Variants in PITPNC1 observed in about 807,000 individuals in gnomAD.
PITPNC1 encodes phosphatidylinositol transfer protein cytoplasmic 1.
Under a neutral mutation model 44.7 loss-of-function variants are expected in PITPNC1, and 18 were observed. That is an observed-to-expected ratio of 0.40 (90% CI 0.28 to 0.60). The LOEUF (loss-of-function observed/expected upper bound fraction) is 0.60. Ranked by LOEUF, PITPNC1 falls within the 20% of genes least tolerant of loss-of-function variation. The probability of loss-of-function intolerance (pLI) is 0.39; values close to 1 mark genes in which losing one functional copy is unlikely to be tolerated. For missense variants in PITPNC1, 290 were observed against 418.4 expected (o/e 0.69, Z 2.68); for synonymous variants, 141 against 149.6 (o/e 0.94, Z 0.42).
At chr17:67,645,811 T>C (rs755444757) in intron 6 of PITPNC1, among the ~76,000 whole-genome samples, 1 of 152,212 alleles carries the variant, frequency 6.6e-6, no homozygotes, top group Non-Finnish European at 1.5e-5. Flanking sequence ...ATTGACATTA[T>C]TGAAGTTTAT....
chr17:67,681,205 A>G, intron 8 of PITPNC1, among the ~76,000 whole-genome samples: 1 of 152,220 alleles, frequency 6.6e-6, no homozygotes, highest in East Asian at 1.9e-4. Flanking sequence ...CTTTAAAAAT[A>G]CAATGATTTA....
chr17:67,654,787 C>T (rs2042245552), intron 6 of PITPNC1, among the ~76,000 whole-genome samples: 1 of 152,150 alleles, frequency 6.6e-6, no homozygotes, highest in Non-Finnish European at 1.5e-5. Context: ...AGCGCGCCAC[C>T]ACGCCCAACT....
intron 1 of PITPNC1, among the ~76,000 whole-genome samples, chr17:67,397,101 C>T (rs971642009): frequency 6.6e-6 from 1 of 152,170 alleles, no homozygotes; most frequent in Non-Finnish European, 1.5e-5. Context: ...CTGCCTCAGC[C>T]TCCCAAGTAG....
At chr17:67,608,978 TC>T (rs1237823151) in intron 5 of PITPNC1, among the ~76,000 whole-genome samples, 1 of 152,098 alleles carries the variant, frequency 6.6e-6, no homozygotes, top group East Asian at 1.9e-4. Flanking sequence ...TTTCAGAATA[TC>T]CTTTCCCCAA....
At chr17:67,490,009 T>C (rs1001375815) in intron 1 of PITPNC1, among the ~76,000 whole-genome samples, 5 of 152,142 alleles carry the variant, frequency 3.3e-5, no homozygotes, top group Non-Finnish European at 5.9e-5. Flanking sequence ...AATGCTGGGA[T>C]TGCAGGCGTG....
At chr17:67,635,646 C>T (rs2042023630) in intron 6 of PITPNC1, among the ~76,000 whole-genome samples, 1 of 152,088 alleles carries the variant, frequency 6.6e-6, no homozygotes, top group Non-Finnish European at 1.5e-5. Flanking sequence ...AAGTCTGAGC[C>T]TTCAAGGATG....
intron 6 of PITPNC1, among the ~76,000 whole-genome samples, chr17:67,658,279 TTCC>T (rs1400778032): frequency 2.6e-5 from 4 of 152,222 alleles, no homozygotes; most frequent in African/African-American, 7.2e-5. Flanking sequence ...GAACTGGCCT[TTCC>T]TCTGATTGAT....
At chr17:67,403,604 C>G (rs1047272691) in intron 1 of PITPNC1, among the ~76,000 whole-genome samples, 4 of 152,226 alleles carry the variant, frequency 2.6e-5, no homozygotes, top group Non-Finnish European at 5.9e-5. Context: ...TGTTAATCAT[C>G]TCATTTCAAT....
chr17:67,575,241 C>T (rs1568047369), intron 4 of PITPNC1, among the ~76,000 whole-genome samples: 1 of 113,818 alleles, frequency 8.8e-6, no homozygotes, highest in Middle Eastern at 4.7e-3. Context: ...GGCATCCCCC[C>T]ACGTTCTCAT....
chr17:67,534,643 A>AAAAAG (rs150673350), intron 2 of PITPNC1, among the ~76,000 whole-genome samples: 69 of 152,038 alleles, frequency 4.5e-4, no homozygotes, highest in South Asian at 2.9e-3. Context: ...TGTCTCAAAA[A>AAAAAG]AAAAGAAAAG....
intron 1 of PITPNC1, 106 bp from the exon 2 acceptor site, chr17:67,532,696 A>G: frequency 1.2e-6 from 1 of 847,526 alleles, no homozygotes; most frequent in Non-Finnish European, 1.8e-6. Flanking sequence ...TTCTCTTCTC[A>G]GCAGAAGGTG....
chr17:67,426,548 A>G (rs1396693202), intron 1 of PITPNC1, among the ~76,000 whole-genome samples: 1 of 146,788 alleles, frequency 6.8e-6, no homozygotes, highest in Non-Finnish European at 1.5e-5. Flanking sequence ...CATAAGTGGG[A>G]GTTGAACAAT....
In PITPNC1 at chr17:67,552,124, G is replaced by C. The variant is rs2040773140; in HGVS notation, c.198-133G>C. The C allele has an allele frequency of 4.7e-6, 3 of 642,522 alleles. No individual in the cohort carries two copies. The South Asian group carries it at 5.3e-5, about 11-fold the overall frequency. The allele number at this position is 642,522 out of a possible 1,614,324, so 39.8% of individuals were successfully genotyped here. ...CTATGACAAAGACCGAAGAGATGGG[G>C]AAAGGGCAGCTGTGGAGAAAAGAGA... On this transcript the variant is annotated intron_variant, in intron 2 of 8. Coordinates refer to ENST00000581322, the MANE Select transcript of PITPNC1 (RefSeq NM_012417.4).
intron 4 of PITPNC1, among the ~76,000 whole-genome samples, chr17:67,567,798 C>A (rs1157425730): frequency 1.3e-5 from 2 of 152,016 alleles, no homozygotes; most frequent in African/African-American, 4.8e-5. Context: ...CATGGTGAAA[C>A]CCCATCTCTA....
chr17:67,426,426 C>T (rs1351421930), intron 1 of PITPNC1, among the ~76,000 whole-genome samples: 3 of 152,114 alleles, frequency 2.0e-5, no homozygotes, highest in African/African-American at 4.8e-5. Flanking sequence ...TACTATACAG[C>T]CATAAAAAGG....
At chr17:67,385,820 A>G (rs2038039043) in intron 1 of PITPNC1, among the ~76,000 whole-genome samples, 1 of 152,004 alleles carries the variant, frequency 6.6e-6, no homozygotes, top group Non-Finnish European at 1.5e-5. Context: ...TTTCAACACT[A>G]ATGGAACAGA....
At chr17:67,673,214 C>A (rs554423738) in intron 7 of PITPNC1, among the ~76,000 whole-genome samples, 10 of 152,274 alleles carry the variant, frequency 6.6e-5, no homozygotes, top group African/African-American at 2.2e-4. Flanking sequence ...AATTAAAATC[C>A]TTCATTTATT....
intron 1 of PITPNC1, among the ~76,000 whole-genome samples, chr17:67,528,027 A>G (rs1317112077): frequency 6.6e-6 from 1 of 151,896 alleles, no homozygotes; most frequent in Non-Finnish European, 1.5e-5. Context: ...TATTTATTTT[A>G]TTTACTTAGT....
chr17:67,390,169 C>T (rs1190115222), intron 1 of PITPNC1, among the ~76,000 whole-genome samples: 1 of 152,100 alleles, frequency 6.6e-6, no homozygotes, highest in Non-Finnish European at 1.5e-5. Context: ...GACAGCTTTC[C>T]AGAGGAGGAG....
Sources: gnomAD v4.1 joint callset for allele counts (sites outside exome capture counted in the v4.1 genomes callset) on GRCh38, gnomAD v4.1.1 for gene constraint, MANE v1.5 for transcripts, NCBI Gene and HGNC (gene_info 2026-07-23, HGNC 2026-07-21) for gene names.